The following CDH12 variants were observed in gnomAD, a reference collection of about 807,000 sequenced individuals.
The protein encoded by CDH12 is cadherin 12, also known as cadherin-12.
Under a neutral mutation model 74.1 loss-of-function variants are expected in CDH12, and 41 were observed. The observed-to-expected ratio is 0.55, with a 90% confidence interval of 0.43 to 0.72. The LOEUF is 0.72. Among genes scored for constraint, CDH12 ranks in the 30% least tolerant of loss-of-function variants. The pLI is 0.00. For missense variants in CDH12, 945 were observed against 977.2 expected, an observed-to-expected ratio of 0.97 and a Z score of 0.44; for synonymous variants, 399 against 355.0, an observed-to-expected ratio of 1.12 and a Z score of -1.39.
chr5:22,820,030 C>CATATACATAT (rs1749604782), intron 1 of CDH12, among the ~76,000 whole-genome samples: 1 of 142,966 alleles, frequency 7.0e-6, no homozygotes, highest in Non-Finnish European at 1.5e-5. Flanking sequence ...CATATATATA[C>CATATACATAT]ATATACATAT....
intron 9 of CDH12, 109 bp from the exon 10 acceptor site, chr5:21,802,529 T>A: frequency 1.1e-6 from 1 of 897,962 alleles, no homozygotes; most frequent in Non-Finnish European, 1.7e-6. Flanking sequence ...TATACTGGTT[T>A]AAAATTTTCA....
At chr5:22,495,882 T>G (rs539111003) in intron 2 of CDH12, among the ~76,000 whole-genome samples, 1 of 152,180 alleles carries the variant, frequency 6.6e-6, no homozygotes, top group African/African-American at 2.4e-5. Context: ...AGGGGGAACA[T>G]TCTATTCCTT....
At chr5:22,317,754 T>C (rs1738692994) in intron 3 of CDH12, among the ~76,000 whole-genome samples, 4 of 152,174 alleles carry the variant, frequency 2.6e-5, no homozygotes, top group African/African-American at 9.7e-5. Flanking sequence ...AATAATAGCA[T>C]TTATAATAAA....
intron 3 of CDH12, among the ~76,000 whole-genome samples, chr5:22,220,107 T>C (rs1751960127): frequency 6.6e-6 from 1 of 151,770 alleles, no homozygotes; most frequent in African/African-American, 2.4e-5. Context: ...CATATGTTTT[T>C]AGAAGGAATG....
chr5:22,476,250 T>C (rs1746163868), intron 2 of CDH12, among the ~76,000 whole-genome samples: 1 of 152,104 alleles, frequency 6.6e-6, no homozygotes, highest in African/African-American at 2.4e-5. Context: ...AATTCATACA[T>C]ATCTGAATTT....
intron 5 of CDH12, among the ~76,000 whole-genome samples, chr5:22,065,029 G>C (rs1190596964): frequency 1.3e-5 from 2 of 152,122 alleles, no homozygotes; most frequent in African/African-American, 4.8e-5. Context: ...GAGACACTAA[G>C]CTCATAATTT....
chr5:21,813,104 A>G (rs1465285051), intron 9 of CDH12, among the ~76,000 whole-genome samples: 3 of 152,044 alleles, frequency 2.0e-5, no homozygotes, highest in Non-Finnish European at 4.4e-5. Flanking sequence ...GTTTACTTCT[A>G]TGGTCTCTTA....
At chr5:22,677,416 C>G (rs1271550035) in intron 1 of CDH12, among the ~76,000 whole-genome samples, 2 of 151,614 alleles carry the variant, frequency 1.3e-5, no homozygotes, top group African/African-American at 4.9e-5. Flanking sequence ...TCCTCAGAGA[C>G]AGCGCTTTCC....
chr5:21,896,942 C>G (rs1753152295), intron 6 of CDH12, among the ~76,000 whole-genome samples: 1 of 152,062 alleles, frequency 6.6e-6, no homozygotes. Context: ...ATAAATAGAA[C>G]TTTGAGGTTT....
intron 3 of CDH12, among the ~76,000 whole-genome samples, chr5:22,221,207 T>C (rs1191925238): frequency 4.6e-5 from 7 of 151,954 alleles, no homozygotes; most frequent in Non-Finnish European, 1.5e-5. Flanking sequence ...TTTAATCTGC[T>C]TATTCAAAAC....
At chr5:22,242,483 C>T (rs1208103530) in intron 3 of CDH12, among the ~76,000 whole-genome samples, 1 of 152,072 alleles carries the variant, frequency 6.6e-6, no homozygotes, top group Non-Finnish European at 1.5e-5. Flanking sequence ...GCCAAAAGAA[C>T]AGAAAATGAT....
At chr5:22,074,755 A>G (rs1385961664) in intron 5 of CDH12, among the ~76,000 whole-genome samples, 2 of 152,170 alleles carry the variant, frequency 1.3e-5, no homozygotes, top group Non-Finnish European at 2.9e-5. Flanking sequence ...CAAAACCACA[A>G]TGAGATACCA....
chr5:22,406,589 T>C (rs1395130043), intron 2 of CDH12, among the ~76,000 whole-genome samples: 1 of 152,140 alleles, frequency 6.6e-6, no homozygotes, highest in Admixed American at 6.6e-5. Flanking sequence ...AAAGATATTA[T>C]TTTCCCTAAA....
At chr5:21,797,756 C>T (rs923200026) in intron 10 of CDH12, among the ~76,000 whole-genome samples, 2 of 152,140 alleles carry the variant, frequency 1.3e-5, no homozygotes, top group African/African-American at 4.8e-5. Context: ...AGGGTCTTGA[C>T]TGTAACAATT....
At chr5:21,914,588 A>G (rs893524094) in intron 6 of CDH12, among the ~76,000 whole-genome samples, 5 of 152,168 alleles carry the variant, frequency 3.3e-5, no homozygotes, top group Non-Finnish European at 7.4e-5. Flanking sequence ...TCTGAAATCT[A>G]TAGGGTAAGC....
chr5:21,797,145 C>A (rs1181931512), intron 10 of CDH12, among the ~76,000 whole-genome samples: 2 of 151,690 alleles, frequency 1.3e-5, no homozygotes, highest in Non-Finnish European at 2.9e-5. Context: ...CGGGCTCAGT[C>A]CTTGGTTGTG....
chr5:21,806,534 A>G (rs1189070876), intron 9 of CDH12, among the ~76,000 whole-genome samples: 1 of 152,140 alleles, frequency 6.6e-6, no homozygotes, highest in Non-Finnish European at 1.5e-5. Flanking sequence ...CTGGGCCACC[A>G]TTCTTTCTGT....
chr5:22,598,285 T>C (rs1446086747), intron 1 of CDH12, among the ~76,000 whole-genome samples: 1 of 152,218 alleles, frequency 6.6e-6, no homozygotes, highest in African/African-American at 2.4e-5. Context: ...TCACCTTGAA[T>C]TGTAATAATT....
intron 6 of CDH12, among the ~76,000 whole-genome samples, chr5:21,886,976 T>A (rs1014966608): frequency 8.5e-5 from 13 of 152,146 alleles, no homozygotes; most frequent in Non-Finnish European, 1.8e-4. Flanking sequence ...TTTCCTCTAG[T>A]GTGCCATGCA....
Sources: gnomAD v4.1 joint callset for allele counts (sites outside exome capture counted in the v4.1 genomes callset) on GRCh38, gnomAD v4.1.1 for gene constraint, MANE v1.5 for transcripts, NCBI Gene and HGNC (gene_info 2026-07-23, HGNC 2026-07-21) for gene names.